Variants in ADGRE1 observed in about 807,000 individuals in gnomAD.
ADGRE1 encodes EGF-like module receptor 1.
In ADGRE1, 82 loss-of-function variants were observed where a neutral mutation model predicts 102.7. The ratio of observed to expected loss-of-function variants is 0.80; its 90% CI spans 0.67 to 0.96. ADGRE1 has a LOEUF of 0.96. Among genes scored for constraint, ADGRE1 ranks in the 40% least tolerant of loss-of-function variants. The probability of loss-of-function intolerance (pLI) is 0.00; values close to 1 mark genes in which losing one functional copy is unlikely to be tolerated. For missense variants in ADGRE1, 1,032 were observed against 1,085.3 expected (o/e 0.95, Z 0.69); for synonymous variants, 398 against 399.6 (o/e 1.00, Z 0.05).
chr19:6,890,373 T>A (rs1568333133), intron 1 of ADGRE1, 108 bp from the exon 2 acceptor site: 2 of 1,095,854 alleles, frequency 1.8e-6, no homozygotes, highest in Non-Finnish European at 2.6e-6. Flanking sequence ...TTCAAACCTA[T>A]TTCTGTGGGG....
At chr19:6,935,776 G>A (rs574407075) in intron 18 of ADGRE1, among the ~76,000 whole-genome samples, 135 of 152,164 alleles carry the variant, frequency 8.9e-4, no homozygotes, top group Non-Finnish European at 1.7e-3. Flanking sequence ...AATGCTTTTA[G>A]AATGTGCGTC....
intron 16 of ADGRE1, among the ~76,000 whole-genome samples, chr19:6,927,360 T>C (rs573145887): frequency 6.6e-6 from 1 of 151,424 alleles, no homozygotes; most frequent in Non-Finnish European, 1.5e-5. Flanking sequence ...AATAAACAAT[T>C]TTATGAAATA....
At chr19:6,894,206 G>C (rs575095212) in intron 2 of ADGRE1, among the ~76,000 whole-genome samples, 1 of 152,244 alleles carries the variant, frequency 6.6e-6, no homozygotes, top group East Asian at 1.9e-4. Flanking sequence ...ATTAGGACAT[G>C]GTCCTCTTGG....
rs1178702057 is a variant in ADGRE1 at position 6,940,091 on chromosome 19, G to A, written c.*62G>A. On this transcript the variant is annotated 3_prime_UTR_variant, in exon 21 of 21. Transcript: ENST00000312053. ...AGTTGAGGACAGTAGTTTCCTGCAG[G>A]AGCCTACCCTGAAATCTCTTCTCAG... The A allele has an allele frequency of 8.3e-6, 13 of 1,575,230 alleles. No individual in the cohort carries two copies. Among genetic ancestry groups the A allele is most frequent in the Non-Finnish European group, 1.1e-5 (13 of 1,148,136 alleles).
At chr19:6,935,540 T>G (rs1408907367) in intron 18 of ADGRE1, among the ~76,000 whole-genome samples, 1 of 152,252 alleles carries the variant, frequency 6.6e-6, no homozygotes, top group Non-Finnish European at 1.5e-5. Flanking sequence ...CATTAGATAT[T>G]ATTCTACAAT....
chr19:6,896,179 A>G, intron 2 of ADGRE1: 1 of 497,566 alleles, frequency 2.0e-6, no homozygotes, highest in Non-Finnish European at 3.6e-6. Flanking sequence ...CTACTCCAGC[A>G]CTACTTCATC....
intron 2 of ADGRE1, among the ~76,000 whole-genome samples, chr19:6,892,307 C>T (rs543661441): frequency 1.7e-4 from 26 of 152,258 alleles, no homozygotes; most frequent in African/African-American, 5.8e-4. Context: ...ATGTCACAAT[C>T]ACGATAATCC....
At chr19:6,900,508 T>A (rs971104660) in intron 5 of ADGRE1, among the ~76,000 whole-genome samples, 1 of 152,100 alleles carries the variant, frequency 6.6e-6, no homozygotes, top group South Asian at 2.1e-4. Context: ...TAAATAAATA[T>A]GTGTTGAATT....
chr19:6,937,548 G>A lies in ADGRE1; in HGVS notation c.2555G>A (p.Arg852Gln), dbSNP rs140342957. The part of the protein sequence containing the change: ...LIHCLLNGQV[R>Q]EEYKRWITGK... The stretch of plus-strand genomic sequence containing the variant: ...ATGATGTGTCTCCTTCTCCAGGTAC[G>A]AGAAGAATACAAGAGGTGGATCACT... Residue 852 changes from arginine to glutamine, a missense_variant, in exon 20 of 21, where the codon CGA becomes CAA. By Grantham distance (43) the Arg-to-Gln change is conservative. Coordinates refer to ENST00000312053, the MANE Select transcript of ADGRE1 (RefSeq NM_001974.5). The A allele has an allele frequency of 1.6e-4, 260 of 1,613,466 alleles. 1 individual carries two copies. The highest frequency in any genetic ancestry group is 8.2e-4 in the Middle Eastern group (5 of 6,062).
chr19:6,890,512 C>T lies in ADGRE1; in HGVS notation c.63C>T (p.His21=), dbSNP rs148503215. The part of the protein sequence containing the change: ...GCCVMHSWEG[H]IRPTRKPNTK... ...GTGTTATGCACAGCTGGGAAGGGCA[C>T]ATAAGACCCACACGGAAACCAAACA... The change falls in exon 2 of 21, where the codon CAC becomes CAT. Residue 21 remains histidine, a synonymous_variant. Coordinates refer to ENST00000312053, the MANE Select transcript of ADGRE1 (RefSeq NM_001974.5). 9 of 1,602,722 alleles carry T rather than the reference C, an allele frequency of 5.6e-6. No homozygotes were observed. Among genetic ancestry groups the T allele is most frequent in the Admixed American group, 1.7e-5 (1 of 58,704 alleles).
intron 20 of ADGRE1, 67 bp from the exon 21 acceptor site, chr19:6,939,957 G>T: frequency 6.4e-7 from 1 of 1,550,710 alleles, no homozygotes; most frequent in South Asian, 1.1e-5. Context: ...CTGTAGACAT[G>T]ACCCTTGGAA....
intron 2 of ADGRE1, chr19:6,896,178 C>T (rs1024272439): frequency 6.1e-6 from 3 of 494,492 alleles, no homozygotes; most frequent in African/African-American, 1.9e-5. Flanking sequence ...CCTACTCCAG[C>T]ACTACTTCAT....
chr19:6,895,322 AAGAGAAGCTGGGAATGC>A (rs1973511459), intron 2 of ADGRE1: 1 of 152,278 alleles, frequency 6.6e-6, no homozygotes, highest in African/African-American at 2.4e-5. Context: ...AGCTAGCTGC[AAGAGAAGCTGGGAATGC>A]AGTCCTAAAC....
chr19:6,915,984 G>A (rs1003006722), intron 11 of ADGRE1, among the ~76,000 whole-genome samples: 2 of 146,120 alleles, frequency 1.4e-5, no homozygotes, highest in African/African-American at 2.5e-5. Flanking sequence ...TTCCATCACT[G>A]TTGACTTTGA....
chr19:6,916,549 T>C (rs886100386), intron 12 of ADGRE1, among the ~76,000 whole-genome samples, 181 bp downstream of exon 12: 43 of 152,122 alleles, frequency 2.8e-4, no homozygotes, highest in African/African-American at 1.0e-3. Flanking sequence ...AACCTTATAA[T>C]ACTGGAGTAC....
At position 6,937,647 on chromosome 19, in the gene ADGRE1, C is replaced by T. The variant is rs111579004; in HGVS notation, c.2654C>T (p.Thr885Met). 1.8e-3 allele frequency: 2,973 copies of T among 1,613,896 alleles called. 38 individuals carry two copies. The African/African-American group carries it at 0.027, about 15-fold the overall frequency. Residue 885 changes from threonine (T) to methionine (M), a missense_variant and splice_region_variant, in exon 20 of 21, where the codon ACG (threonine) becomes ATG (methionine). Coordinates refer to ENST00000312053, the MANE Select transcript of ADGRE1 (RefSeq NM_001974.5). ...TCCTCCATGCCATCCGCTTCCAAGA[C>T]GGTGAGAGACTGCATGCTCCCTGCA... ...LLSSMPSASK[T>M]G
chr19:6,933,792 C>T (rs1975265896), intron 17 of ADGRE1, among the ~76,000 whole-genome samples: 1 of 152,134 alleles, frequency 6.6e-6, no homozygotes, highest in African/African-American at 2.4e-5. Flanking sequence ...AAGGCAGCCC[C>T]CTTCTCCCCG....
At chr19:6,915,500 G>A (rs56199058) in intron 11 of ADGRE1, among the ~76,000 whole-genome samples, 6,945 of 152,196 alleles carry the variant, frequency 0.046, 169 homozygotes, top group Admixed American at 0.059. Context: ...AAGTCAATGC[G>A]CAAATTTAGG....
chr19:6,905,350 G>GT (rs1368302869), intron 8 of ADGRE1, among the ~76,000 whole-genome samples: 11 of 132,330 alleles, frequency 8.3e-5, no homozygotes, highest in Admixed American at 4.5e-4. Context: ...CCTGTCTTTT[G>GT]TTTTTTTTTC....
Sources: allele counts gnomAD v4.1 joint callset (sites outside exome capture counted in the v4.1 genomes callset), GRCh38; gene constraint gnomAD v4.1.1; transcripts MANE v1.5; gene names NCBI Gene and HGNC (gene_info 2026-07-23, HGNC 2026-07-21).